Variants in FRMD4A observed in about 807,000 individuals in gnomAD.
The protein encoded by FRMD4A is FERM domain containing 4A.
Under a neutral mutation model 129.1 loss-of-function variants are expected in FRMD4A, and 29 were observed. The observed-to-expected ratio is 0.22, with a 90% confidence interval of 0.17 to 0.31. FRMD4A has a LOEUF of 0.31. Ranked by LOEUF, FRMD4A falls within the 10% of genes least tolerant of loss-of-function variation. The pLI, the probability that FRMD4A is intolerant of heterozygous loss-of-function variation, is 1.00. For synonymous variants in FRMD4A, 634 were observed against 571.6 expected, an observed-to-expected ratio of 1.11 and a Z score of -1.56; for missense variants, 1,272 against 1,375.8, an observed-to-expected ratio of 0.92 and a Z score of 1.19.
intron 14 of FRMD4A, 36 bp from the exon 15 acceptor site, chr10:13,694,075 G>A (rs781727283): frequency 3.6e-5 from 53 of 1,488,328 alleles, no homozygotes; most frequent in Admixed American, 7.5e-5. Context: ...AAGAAGTGAC[G>A]CTCACCTTGC....
chr10:14,021,660 A>G (rs924118539), intron 2 of FRMD4A, among the ~76,000 whole-genome samples: 5 of 152,078 alleles, frequency 3.3e-5, no homozygotes, highest in Non-Finnish European at 5.9e-5. Flanking sequence ...TAGAGGGGAT[A>G]CTCAGAGACT....
chr10:14,327,798 C>T (rs930243591), intron 2 of FRMD4A, among the ~76,000 whole-genome samples: 3 of 152,196 alleles, frequency 2.0e-5, no homozygotes, highest in Admixed American at 6.5e-5. Flanking sequence ...AGCTCTGGCT[C>T]TTGCTGTTAT....
At chr10:14,041,510 A>T (rs1217666833) in intron 2 of FRMD4A, among the ~76,000 whole-genome samples, 1 of 152,232 alleles carries the variant, frequency 6.6e-6, no homozygotes, top group African/African-American at 2.4e-5. Context: ...GTCAAACAAG[A>T]GTTAAAATCA....
intron 2 of FRMD4A, among the ~76,000 whole-genome samples, chr10:14,265,263 T>G (rs1406847489): frequency 6.6e-6 from 1 of 152,224 alleles, no homozygotes; most frequent in Non-Finnish European, 1.5e-5. Context: ...TTTTCATTAT[T>G]ATCATGGTCC....
At chr10:13,726,479 T>A (rs1004112716) in intron 12 of FRMD4A, among the ~76,000 whole-genome samples, 5 of 152,266 alleles carry the variant, frequency 3.3e-5, no homozygotes, top group Admixed American at 3.3e-4. Flanking sequence ...TAGGATCTCA[T>A]AGAAAGGTCC....
intron 2 of FRMD4A, among the ~76,000 whole-genome samples, chr10:14,290,062 C>T (rs1845803975): frequency 1.3e-5 from 2 of 152,072 alleles, no homozygotes; most frequent in Admixed American, 1.3e-4. Context: ...AGATGAAAGA[C>T]TTGCACACTG....
chr10:13,748,168 C>T (rs901789104), intron 8 of FRMD4A, among the ~76,000 whole-genome samples: 3 of 152,030 alleles, frequency 2.0e-5, no homozygotes, highest in Admixed American at 2.0e-4. Flanking sequence ...CCCAGGGGTC[C>T]CCCAGGGCAG....
chr10:13,674,927 A>G lies in FRMD4A; in HGVS notation c.1235T>C (p.Leu412Pro). The change falls in exon 16 of 25, where the codon CTG becomes CCG. Residue 412 changes from leucine (L) to proline (P), a missense_variant. This residue lies in a region of FRMD4A where 972 missense variants were observed against 892.3 expected (regional missense o/e 1.09). Coordinates refer to ENST00000357447, the MANE Select transcript of FRMD4A (RefSeq NM_018027.5). Reference protein sequence around the residue: ...LRQRLEELKKLCLREAELTGK... With the variant: ...LRQRLEELKKPCLREAELTGK... ...AAGGCTTACAGCTTCTCGGAGACAC[A>G]GCTTCTTCAGTTCCTCCAGCCTCTG... 1 of 1,614,188 alleles carries G rather than the reference A, an allele frequency of 6.2e-7. No homozygotes were observed. Among genetic ancestry groups the G allele is most frequent in the Non-Finnish European group, 8.5e-7 (1 of 1,179,994 alleles).
intron 2 of FRMD4A, among the ~76,000 whole-genome samples, chr10:14,222,002 T>C (rs1452471045): frequency 6.6e-6 from 1 of 152,222 alleles, no homozygotes; most frequent in Non-Finnish European, 1.5e-5. Context: ...TTGTAGGTTT[T>C]GCGGTCTCTG....
chr10:14,150,009 A>T (rs1234496251), intron 2 of FRMD4A, among the ~76,000 whole-genome samples: 22 of 152,196 alleles, frequency 1.4e-4, no homozygotes, highest in African/African-American at 7.2e-5. Context: ...GTGAAGGGGG[A>T]GCAAGCACAT....
chr10:14,155,594 C>G (rs546967559), intron 2 of FRMD4A, among the ~76,000 whole-genome samples: 1 of 152,104 alleles, frequency 6.6e-6, no homozygotes, highest in Non-Finnish European at 1.5e-5. Context: ...GTTTTATGTA[C>G]AGAAAAATAA....
intron 2 of FRMD4A, among the ~76,000 whole-genome samples, chr10:14,062,279 A>G (rs1834850821): frequency 6.6e-6 from 1 of 152,240 alleles, no homozygotes; most frequent in African/African-American, 2.4e-5. Flanking sequence ...GAAAAAGAAG[A>G]TTACAAAAGG....
intron 2 of FRMD4A, among the ~76,000 whole-genome samples, chr10:14,329,458 GTGAGTCAGC>G (rs1324136853): frequency 6.6e-6 from 1 of 152,164 alleles, no homozygotes; most frequent in Non-Finnish European, 1.5e-5. Context: ...GGGGCATAAG[GTGAGTCAGC>G]TGCTCACACA....
intron 2 of FRMD4A, among the ~76,000 whole-genome samples, chr10:14,028,904 C>T (rs1833103967): frequency 6.6e-6 from 1 of 152,174 alleles, no homozygotes; most frequent in Non-Finnish European, 1.5e-5. Context: ...GATCCTGCTA[C>T]TATTTATAGA....
intron 17 of FRMD4A, among the ~76,000 whole-genome samples, 168 bp downstream of exon 17, chr10:13,670,238 C>T (rs747599918): frequency 6.6e-5 from 10 of 152,080 alleles, no homozygotes; most frequent in Non-Finnish European, 1.0e-4. Flanking sequence ...CTACTCCTAC[C>T]GAGGGGAACC....
intron 2 of FRMD4A, among the ~76,000 whole-genome samples, chr10:14,244,287 C>T (rs952931471): frequency 6.6e-6 from 1 of 152,204 alleles, no homozygotes; most frequent in South Asian, 2.1e-4. Context: ...ACTTCCACCC[C>T]CTTCCAGGCG....
intron 12 of FRMD4A, among the ~76,000 whole-genome samples, chr10:13,722,351 C>A (rs1164280447): frequency 6.6e-6 from 1 of 151,358 alleles, no homozygotes; most frequent in African/African-American, 2.4e-5. Context: ...CCCACCTCAG[C>A]CTCACAGGTA....
intron 2 of FRMD4A, among the ~76,000 whole-genome samples, chr10:14,103,903 A>G (rs1248304312): frequency 2.0e-5 from 3 of 152,236 alleles, no homozygotes; most frequent in East Asian, 1.9e-4. Context: ...TGAATTTAAA[A>G]TGGCTGAACC....
chr10:14,300,782 T>C (rs1439826865), intron 2 of FRMD4A, among the ~76,000 whole-genome samples: 1 of 152,192 alleles, frequency 6.6e-6, no homozygotes, highest in East Asian at 1.9e-4. Flanking sequence ...AAGGCCAGAA[T>C]GTTAGGTCGG....
Sources: gnomAD v4.1 joint callset for allele counts (sites outside exome capture counted in the v4.1 genomes callset) on GRCh38, gnomAD v4.1.1 for gene constraint, gnomAD v4.1.1 regional missense constraint, MANE v1.5 for transcripts, NCBI Gene and HGNC (gene_info 2026-07-23, HGNC 2026-07-21) for gene names.